Variants in SUPT3H observed in about 807,000 individuals in gnomAD.
SUPT3H encodes the protein transcription initiation protein SPT3 homolog.
SUPT3H carries 44 observed loss-of-function variants against 44.3 expected under a neutral mutation model. The observed-to-expected ratio is 0.99, with a 90% CI of 0.78 to 1.28. The LOEUF (loss-of-function observed/expected upper bound fraction) is 1.28. SUPT3H is among the 50% of genes most tolerant of loss of function. The pLI, the probability that SUPT3H is intolerant of heterozygous loss-of-function variation, is 0.00. For missense variants in SUPT3H, 380 were observed against 387.1 expected, an observed-to-expected ratio of 0.98 and a Z score of 0.15; for synonymous variants, 124 against 125.6, an observed-to-expected ratio of 0.99 and a Z score of 0.09.
chr6:45,061,037 G>T (rs2153542163), intron 3 of SUPT3H, among the ~76,000 whole-genome samples: 1 of 152,232 alleles, frequency 6.6e-6, no homozygotes, highest in Middle Eastern at 3.4e-3. Flanking sequence ...AGACAGCATG[G>T]CAATTCCTCA....
At chr6:45,229,994 C>G (rs12214885) in intron 2 of SUPT3H, among the ~76,000 whole-genome samples, 33,348 of 152,072 alleles carry the variant, frequency 0.22, 4,472 homozygotes, top group Non-Finnish European at 0.31. Context: ...ACCCTCCCAA[C>G]TTACCCTGTC....
intron 3 of SUPT3H, among the ~76,000 whole-genome samples, chr6:45,050,278 A>AATGTGTGTGTGTGTGT (rs141128120): frequency 6.8e-6 from 1 of 147,318 alleles, no homozygotes; most frequent in South Asian, 2.2e-4. Flanking sequence ...CTTTTTCTGC[A>AATGTGTGTGTGTGTGT]GTGTGTGTGT....
At chr6:45,137,977 C>G (rs1336373140) in intron 2 of SUPT3H, among the ~76,000 whole-genome samples, 1 of 151,972 alleles carries the variant, frequency 6.6e-6, no homozygotes, top group African/African-American at 2.4e-5. Flanking sequence ...ATCTGAAGGA[C>G]TTGTACTCAG....
chr6:45,308,153 C>T (rs1225681638), intron 2 of SUPT3H, among the ~76,000 whole-genome samples: 2 of 152,148 alleles, frequency 1.3e-5, no homozygotes, highest in African/African-American at 4.8e-5. Flanking sequence ...CTGAAAGTGA[C>T]AGGGAGAATG....
intron 11 of SUPT3H, among the ~76,000 whole-genome samples, chr6:44,813,249 A>C (rs1301713595): frequency 6.6e-6 from 1 of 152,148 alleles, no homozygotes; most frequent in East Asian, 1.9e-4. Context: ...GCGGTGGTGC[A>C]ATCATAACTC....
At chr6:45,015,571 A>C (rs1270858015) in intron 4 of SUPT3H, among the ~76,000 whole-genome samples, 2 of 152,090 alleles carry the variant, frequency 1.3e-5, no homozygotes, top group Non-Finnish European at 1.5e-5. Context: ...TTTCTTCAAT[A>C]ATAAATGTGC....
chr6:45,026,934 C>T (rs1322878147), intron 3 of SUPT3H, among the ~76,000 whole-genome samples: 1 of 150,222 alleles, frequency 6.7e-6, no homozygotes, highest in Non-Finnish European at 1.5e-5. Flanking sequence ...TTTGATGAGA[C>T]ATCTCATCTG....
chr6:44,992,398 T>C (rs1296811977), intron 6 of SUPT3H, among the ~76,000 whole-genome samples: 1 of 152,140 alleles, frequency 6.6e-6, no homozygotes, highest in Non-Finnish European at 1.5e-5. Context: ...GACACGAGTG[T>C]TCACAGTGTG....
At chr6:45,223,146 C>T (rs868293686) in intron 2 of SUPT3H, among the ~76,000 whole-genome samples, 1 of 151,922 alleles carries the variant, frequency 6.6e-6, no homozygotes, top group Non-Finnish European at 1.5e-5. Flanking sequence ...GTAGTAGATA[C>T]ATGAAACCGT....
At chr6:44,987,926 C>T (rs550918211) in intron 6 of SUPT3H, among the ~76,000 whole-genome samples, 2 of 152,116 alleles carry the variant, frequency 1.3e-5, no homozygotes, top group African/African-American at 2.4e-5. Context: ...TTAAGTACCA[C>T]GGGAGAATGG....
At chr6:44,830,903 A>G (rs1171472809) in intron 10 of SUPT3H, among the ~76,000 whole-genome samples, 2 of 135,198 alleles carry the variant, frequency 1.5e-5, no homozygotes, top group Non-Finnish European at 3.0e-5. Context: ...TTTAAGAAAT[A>G]CAGAATAACC....
At chr6:44,952,028 A>C (rs1774398884) in intron 9 of SUPT3H, among the ~76,000 whole-genome samples, 1 of 152,216 alleles carries the variant, frequency 6.6e-6, no homozygotes, top group Non-Finnish European at 1.5e-5. Context: ...TTGACTGATA[A>C]TGATGTATGA....
chr6:45,233,937 A>G (rs1768573420), intron 2 of SUPT3H, among the ~76,000 whole-genome samples: 1 of 152,186 alleles, frequency 6.6e-6, no homozygotes, highest in Non-Finnish European at 1.5e-5. Context: ...TAATAAAAAC[A>G]CCCTTGCTGT....
rs146083339 is a variant in SUPT3H, at chr6:45,042,977, T to A, written c.187-22345A>T. ...ATTAAAAAATTACCCTTTCTCAACA[T>A]TTTGTTCAAAGAAGGATTTTTACAA... On this transcript the variant is annotated intron_variant, in intron 3 of 10. Coordinates refer to ENST00000371459, the MANE Select transcript of SUPT3H (RefSeq NM_003599.4). Among the ~76,000 whole-genome samples the A allele has an allele frequency of 8.5e-4, 129 of 152,302 alleles. 1 individual carries two copies. The highest frequency in any genetic ancestry group is 3.0e-3 in the African/African-American group (124 of 41,562).
chr6:45,220,353 A>T (rs967817280), intron 2 of SUPT3H, among the ~76,000 whole-genome samples: 2 of 152,142 alleles, frequency 1.3e-5, no homozygotes, highest in Non-Finnish European at 2.9e-5. Flanking sequence ...CAAGCTAAAG[A>T]AGAAAAATAG....
At chr6:45,056,573 C>T (rs1285895480) in intron 3 of SUPT3H, among the ~76,000 whole-genome samples, 2 of 152,086 alleles carry the variant, frequency 1.3e-5, no homozygotes, top group African/African-American at 4.8e-5. Flanking sequence ...AACTGGAGAC[C>T]ATTATTCTAT....
chr6:44,809,662 T>C (rs1035708893), intron 11 of SUPT3H, among the ~76,000 whole-genome samples: 5 of 152,236 alleles, frequency 3.3e-5, no homozygotes, highest in Non-Finnish European at 7.3e-5. Context: ...TTTGATTAGG[T>C]TCCCTTCAAA....
chr6:45,311,423 G>C (rs1332013606), intron 2 of SUPT3H, among the ~76,000 whole-genome samples: 1 of 152,158 alleles, frequency 6.6e-6, no homozygotes, highest in Non-Finnish European at 1.5e-5. Flanking sequence ...CCCCAGCCTT[G>C]CTAGAGACCT....
At chr6:45,105,466 TTA>T (rs1483441191) in intron 3 of SUPT3H, among the ~76,000 whole-genome samples, 2 of 151,730 alleles carry the variant, frequency 1.3e-5, no homozygotes, top group Admixed American at 1.3e-4. Context: ...TACAGTCAAA[TTA>T]TGAGGTTACT....
Sources: allele counts gnomAD v4.1 joint callset (sites outside exome capture counted in the v4.1 genomes callset), GRCh38; gene constraint gnomAD v4.1.1; transcripts MANE v1.5; gene names NCBI Gene and HGNC (gene_info 2026-07-23, HGNC 2026-07-21).